The following TPRG1 variants were observed in gnomAD, a reference collection of about 807,000 sequenced individuals.
The protein encoded by TPRG1 is tumor protein p63 regulated 1, also known as tumor protein p63-regulated gene 1 protein.
A neutral mutation model predicts 29.3 loss-of-function variants in TPRG1; 29 were observed. The ratio of observed to expected loss-of-function variants is 0.99; its 90% CI spans 0.74 to 1.35. The LOEUF (loss-of-function observed/expected upper bound fraction) is 1.35, where lower values mean the gene tolerates loss of function less well. Ranked by LOEUF, TPRG1 falls within the 40% of genes most tolerant of loss-of-function variation. TPRG1 has a pLI of 0.00. For synonymous variants in TPRG1, 130 were observed against 116.8 expected (o/e 1.11, Z -0.73); for missense variants, 327 against 335.0 (o/e 0.98, Z 0.19).
intron 4 of TPRG1, among the ~76,000 whole-genome samples, chr3:189,282,364 T>C (rs1717305636): frequency 6.6e-6 from 1 of 152,248 alleles, no homozygotes; most frequent in East Asian, 1.9e-4. Context: ...AGGCCAGCTC[T>C]GGTTGCTACT....
In TPRG1 at chr3:189,292,292, CT is replaced by C. The variant is rs11459415; in HGVS notation, c.480-18078del. 3.9e-3 allele frequency among the ~76,000 whole-genome samples: 450 copies of C among 114,898 alleles called. 3 individuals are homozygous for C. The highest frequency in any genetic ancestry group is 5.1e-3 in the Non-Finnish European group (291 of 56,832). The allele number at this position is 114,898 out of a possible 152,430, so 75.4% of individuals were successfully genotyped here. On this transcript the variant is annotated intron_variant, in intron 4 of 5. Coordinates refer to ENST00000345063, the MANE Select transcript of TPRG1 (RefSeq NM_198485.4). ...TCAATGTAATTTTCTGAAGTTTTTG[CT>C]TTTTTTTTTTTTTTTGCTTATCTGT...
At chr3:189,264,956 C>T (rs1403824904) in intron 4 of TPRG1, among the ~76,000 whole-genome samples, 1 of 152,158 alleles carries the variant, frequency 6.6e-6, no homozygotes, top group African/African-American at 2.4e-5. Context: ...AGTGCTAGAT[C>T]ACCCAGCATG....
chr3:189,064,153 G>A (rs1560422497), intron 4 of TPRG1, among the ~76,000 whole-genome samples: 1 of 152,136 alleles, frequency 6.6e-6, no homozygotes, highest in Non-Finnish European at 1.5e-5. Context: ...GTTACATAGG[G>A]ATATAGTATC....
intron 5 of TPRG1, among the ~76,000 whole-genome samples, chr3:189,156,899 G>A (rs895483887): frequency 6.6e-6 from 1 of 152,114 alleles, no homozygotes; most frequent in Non-Finnish European, 1.5e-5. Context: ...CTGTCACTGG[G>A]GTCCTCAGGT....
At chr3:189,027,854 T>C (rs1713741748) in intron 4 of TPRG1, among the ~76,000 whole-genome samples, 1 of 152,136 alleles carries the variant, frequency 6.6e-6, no homozygotes, top group Admixed American at 6.6e-5. Context: ...TTGTGAACAG[T>C]GAGCATGCAT....
chr3:189,040,591 A>G (rs1714569167), intron 4 of TPRG1, among the ~76,000 whole-genome samples: 1 of 151,960 alleles, frequency 6.6e-6, no homozygotes, highest in Admixed American at 6.6e-5. Flanking sequence ...TCTGTCCACC[A>G]TTAAGAGTAC....
At chr3:189,000,179 A>G (rs1300489594) in intron 1 of TPRG1, among the ~76,000 whole-genome samples, 1 of 151,884 alleles carries the variant, frequency 6.6e-6, no homozygotes, top group East Asian at 1.9e-4. Flanking sequence ...GAGTATTTGG[A>G]TTTTTCTTTT....
intron 4 of TPRG1, among the ~76,000 whole-genome samples, chr3:189,303,408 TAG>T (rs1318042107): frequency 1.3e-5 from 2 of 152,172 alleles, no homozygotes; most frequent in Non-Finnish European, 2.9e-5. Context: ...TGTGTAGAGT[TAG>T]AGTGTCCTCT....
At chr3:189,129,486 C>A (rs1458482097) in intron 2 of TPRG1, among the ~76,000 whole-genome samples, 2 of 152,170 alleles carry the variant, frequency 1.3e-5, no homozygotes, top group South Asian at 4.1e-4. Context: ...TTGCTGTTTC[C>A]CCCTTTGTTA....
At chr3:189,315,078 C>T (rs1012744361) in intron 5 of TPRG1, among the ~76,000 whole-genome samples, 1 of 152,042 alleles carries the variant, frequency 6.6e-6, no homozygotes, top group Non-Finnish European at 1.5e-5. Flanking sequence ...CCCAGGAGTT[C>T]GAGTCTGCAG....
intron 4 of TPRG1, among the ~76,000 whole-genome samples, chr3:189,081,247 T>C (rs1717573105): frequency 6.6e-6 from 1 of 151,714 alleles, no homozygotes; most frequent in Non-Finnish European, 1.5e-5. Context: ...GCCATGAGAA[T>C]GAATGAGGAA....
At chr3:189,216,295 A>G (rs565676879) in intron 3 of TPRG1, among the ~76,000 whole-genome samples, 1 of 152,228 alleles carries the variant, frequency 6.6e-6, no homozygotes, top group East Asian at 1.9e-4. Flanking sequence ...ATAATCATTA[A>G]TCTTTAACTG....
chr3:189,251,251 T>G (rs1273507610), intron 4 of TPRG1, among the ~76,000 whole-genome samples: 2 of 152,146 alleles, frequency 1.3e-5, no homozygotes, highest in Admixed American at 1.3e-4. Context: ...TACTGGTACT[T>G]AATAAAACAG....
At chr3:189,178,386 A>G (rs1288950885) in intron 1 of TPRG1, among the ~76,000 whole-genome samples, 2 of 152,124 alleles carry the variant, frequency 1.3e-5, no homozygotes, top group African/African-American at 4.8e-5. Context: ...AAAATTAGCT[A>G]GGCATGGTGA....
rs575311163 is a variant in TPRG1 at position 189,016,861 on chromosome 3, T to C, written c.-659-6889T>C. On this transcript the variant is annotated intron_variant, in intron 3 of 10. Transcript: ENST00000433971. Reference sequence around the variant, plus strand: ...ATGCTTTCTATTAAGCCTACAGAACTGTGAGTCAATTAAACCTCTTTTCTT... The same window carrying C: ...ATGCTTTCTATTAAGCCTACAGAACCGTGAGTCAATTAAACCTCTTTTCTT... Among the ~76,000 whole-genome samples, 12 of 151,646 alleles carry C rather than the reference T, an allele frequency of 7.9e-5. No individual in the cohort carries two copies. In the South Asian group the frequency reaches 1.5e-3, roughly 18 times the overall value.
intron 4 of TPRG1, among the ~76,000 whole-genome samples, chr3:189,066,631 A>G (rs1716466453): frequency 6.7e-6 from 1 of 148,914 alleles, no homozygotes; most frequent in African/African-American, 2.6e-5. Context: ...CATGATAAAA[A>G]CCTTAAAAAA....
chr3:189,029,025 TA>T (rs11431656), intron 4 of TPRG1, among the ~76,000 whole-genome samples: 3,178 of 131,438 alleles, frequency 0.024, 87 homozygotes, highest in African/African-American at 0.07. Context: ...GTGTTTTCAA[TA>T]AAAAAAAAAA....
At chr3:189,157,843 T>C (rs1726902185) in intron 5 of TPRG1, among the ~76,000 whole-genome samples, 1 of 152,122 alleles carries the variant, frequency 6.6e-6, no homozygotes, top group African/African-American at 2.4e-5. Flanking sequence ...CTCCCTCCAT[T>C]CCTTCTCCTT....
intron 4 of TPRG1, among the ~76,000 whole-genome samples, chr3:189,248,353 T>G (rs1230730659): frequency 6.6e-6 from 1 of 151,898 alleles, no homozygotes; most frequent in African/African-American, 2.4e-5. Flanking sequence ...AATTACTTTC[T>G]TCCTTGTGTG....
Sources: allele counts gnomAD v4.1 joint callset (sites outside exome capture counted in the v4.1 genomes callset), GRCh38; gene constraint gnomAD v4.1.1; transcripts MANE v1.5; gene names NCBI Gene and HGNC (gene_info 2026-07-23, HGNC 2026-07-21).